Variants in SLC6A15 observed in about 807,000 individuals in gnomAD.
SLC6A15 encodes sodium-dependent neutral amino acid transporter B(0)AT2.
Under a neutral mutation model 68.5 loss-of-function variants are expected in SLC6A15, and 33 were observed. That is an observed-to-expected ratio of 0.48 (90% CI 0.37 to 0.64). The LOEUF is 0.64. Among genes scored for constraint, SLC6A15 ranks in the 30% least tolerant of loss-of-function variants. The pLI, the probability that SLC6A15 is intolerant of heterozygous loss-of-function variation, is 0.00. For synonymous variants in SLC6A15, 347 were observed against 301.0 expected (o/e 1.15, Z -1.58); for missense variants, 747 against 874.3 (o/e 0.85, Z 1.84).
At chr12:84,890,570 G>A (rs1329090152) in intron 2 of SLC6A15, among the ~76,000 whole-genome samples, 2 of 152,162 alleles carry the variant, frequency 1.3e-5, no homozygotes, top group African/African-American at 4.8e-5. Flanking sequence ...GATGCACAGT[G>A]CGTCACTGAC....
In SLC6A15 at chr12:84,876,581, T is replaced by C. The variant is rs749468832; in HGVS notation, c.783A>G (p.Pro261=). Residue 261 remains proline (P), a synonymous_variant, in exon 6 of 12, where the codon CCA becomes CCG. Transcript: ENST00000266682. Reference sequence around the variant, plus strand: ...TGAGGAAGCAAATAAGTACCACATATGGAAACAGAGAACTAAAATATATGA... The same window carrying C: ...TGAGGAAGCAAATAAGTACCACATACGGAAACAGAGAACTAAAATATATGA... ...GKIIYFSSLF[P]YVVLICFLIR... is the part of the protein sequence containing the mutation. 1.3e-6 allele frequency: 2 copies of C among 1,582,402 alleles called. No individual in the cohort carries two copies. The highest frequency in any genetic ancestry group is 2.7e-5 in the African/African-American group (2 of 73,648).
rs932900885 is a variant in SLC6A15, at chr12:84,859,719, T to C, written c.*1913A>G. 2.0e-5 allele frequency: 3 copies of C among 151,920 alleles called. No homozygotes were observed. Among genetic ancestry groups the C allele is most frequent in the African/African-American group, 7.2e-5 (3 of 41,402 alleles). The allele number at this position is 151,920 out of a possible 1,614,324, so 9.4% of individuals were successfully genotyped here. ...TAAAAATATTGCCTCAACACAAAAA[T>C]AAACAAAATTTTTATTAGTTCAGCC... On this transcript the variant is annotated 3_prime_UTR_variant, in exon 12 of 12. Coordinates refer to ENST00000266682, the MANE Select transcript of SLC6A15 (RefSeq NM_182767.6).
intron 5 of SLC6A15, chr12:84,882,336 A>G: frequency 2.0e-6 from 2 of 985,058 alleles, no homozygotes; most frequent in Non-Finnish European, 2.4e-6. Flanking sequence ...ACAATTGAAC[A>G]ATTCGAAGTT....
intron 1 of SLC6A15, among the ~76,000 whole-genome samples, chr12:84,909,102 G>T (rs1873316303): frequency 6.6e-6 from 1 of 152,046 alleles, no homozygotes; most frequent in South Asian, 2.1e-4. Context: ...TTACCAAATA[G>T]CCCTTGATAA....
rs146199147 is a variant in SLC6A15, at chr12:84,872,444, T to C, written c.1302+158A>G. Among the ~76,000 whole-genome samples, 926 of 152,302 alleles carry C rather than the reference T, an allele frequency of 6.1e-3. 3 individuals are homozygous for C. The highest frequency in any genetic ancestry group is 0.018 in the African/African-American group (732 of 41,574). On this transcript the variant is annotated intron_variant, in intron 8 of 11. Coordinates refer to ENST00000266682, the MANE Select transcript of SLC6A15 (RefSeq NM_182767.6). ...AAAACATATTCTCTAAAATTAAGAA[T>C]GTAAATTCTGAAGGACTTATAATGC...
At chr12:84,907,558 T>C (rs540210148) in intron 1 of SLC6A15, among the ~76,000 whole-genome samples, 2 of 152,240 alleles carry the variant, frequency 1.3e-5, no homozygotes, top group African/African-American at 4.8e-5. Flanking sequence ...GACAACCAAA[T>C]TCTGGCAAGG....
At chr12:84,865,731 T>C (rs1252366376) in intron 10 of SLC6A15, among the ~76,000 whole-genome samples, 2 of 152,224 alleles carry the variant, frequency 1.3e-5, no homozygotes, top group Non-Finnish European at 2.9e-5. Flanking sequence ...TTTTCATATG[T>C]GACTTTTTTC....
At chr12:84,867,962 T>A (rs767496672) in intron 9 of SLC6A15, 4 of 152,224 alleles carry the variant, frequency 2.6e-5, no homozygotes, top group Non-Finnish European at 5.9e-5. Context: ...TCTGTTCTTT[T>A]GTGCTCATTA....
chr12:84,908,803 T>C (rs1216581586), intron 1 of SLC6A15, among the ~76,000 whole-genome samples: 1 of 151,970 alleles, frequency 6.6e-6, no homozygotes, highest in Non-Finnish European at 1.5e-5. Flanking sequence ...GCCCCCAATC[T>C]GCTTCTTTTT....
At chr12:84,895,785 A>G (rs1255067688) in intron 1 of SLC6A15, among the ~76,000 whole-genome samples, 1 of 152,202 alleles carries the variant, frequency 6.6e-6, no homozygotes, top group African/African-American at 2.4e-5. Context: ...TAGCAACAAT[A>G]ATTTAGAAGC....
At chr12:84,891,295 G>A (rs1872378635) in intron 2 of SLC6A15, among the ~76,000 whole-genome samples, 2 of 152,162 alleles carry the variant, frequency 1.3e-5, no homozygotes, top group Non-Finnish European at 1.5e-5. Context: ...AATGAAGAAT[G>A]TCTAGCATTG....
At chr12:84,901,227 A>G (rs897609898) in intron 1 of SLC6A15, among the ~76,000 whole-genome samples, 1 of 151,596 alleles carries the variant, frequency 6.6e-6, no homozygotes, top group Non-Finnish European at 1.5e-5. Flanking sequence ...CAATAAAGCC[A>G]TCTGGGCTTG....
At chr12:84,910,938 T>TGTGTGTGTGTGTGTGTGTGTGC (rs1420400190) in intron 1 of SLC6A15, among the ~76,000 whole-genome samples, 1 of 150,638 alleles carries the variant, frequency 6.6e-6, no homozygotes, top group African/African-American at 2.5e-5. Flanking sequence ...CGTGTGTGTG[T>TGTGTGTGTGTGTGTGTGTGTGC]GTGTGTGTGT....
At chr12:84,907,928 T>C (rs1170996507) in intron 1 of SLC6A15, among the ~76,000 whole-genome samples, 1 of 152,136 alleles carries the variant, frequency 6.6e-6, no homozygotes, top group African/African-American at 2.4e-5. Flanking sequence ...AAACATCAAT[T>C]CAAATACATT....
rs569853891 is a variant in SLC6A15, at chr12:84,860,260, G to A, written c.*1372C>T. The A allele has an allele frequency of 2.0e-5, 3 of 152,064 alleles. No individual in the cohort carries two copies. The highest frequency in any genetic ancestry group is 2.9e-5 in the Non-Finnish European group (2 of 67,912). The allele number at this position is 152,064 out of a possible 1,614,324, so 9.4% of individuals were successfully genotyped here. A position where few individuals can be genotyped will look rare whatever the true frequency, so the allele number is the denominator to read the frequency against. ...GTTTTAAAAATGTAACTGATCTGGT[G>A]GTAGGATAAATGAAAGATTTTTAAC... On this transcript the variant is annotated 3_prime_UTR_variant, in exon 12 of 12. Transcript: ENST00000266682.
At chr12:84,875,657 T>C (rs1440142821) in intron 6 of SLC6A15, among the ~76,000 whole-genome samples, 10 of 158 alleles carry the variant, frequency 0.063, no homozygotes, top group Non-Finnish European at 0.16. Flanking sequence ...ACCATATATA[T>C]ATATATATAT....
At chr12:84,883,433 C>T in intron 5 of SLC6A15, 1 of 1,090,930 alleles carries the variant, frequency 9.2e-7, no homozygotes, top group Non-Finnish European at 1.1e-6. Flanking sequence ...TGCAGCTATT[C>T]CTTAGAACAC....
intron 4 of SLC6A15, among the ~76,000 whole-genome samples, chr12:84,885,024 TA>T (rs1279786261): frequency 5.3e-5 from 8 of 151,714 alleles, no homozygotes; most frequent in African/African-American, 1.7e-4. Flanking sequence ...TTATGGGATT[TA>T]AAAAAATGAT....
At chr12:84,879,572 C>T (rs1054251297) in intron 5 of SLC6A15, among the ~76,000 whole-genome samples, 4 of 151,676 alleles carry the variant, frequency 2.6e-5, no homozygotes, top group East Asian at 3.9e-4. Flanking sequence ...GCAATCCACC[C>T]GCCTCGGCCT....
Sources: gnomAD v4.1 joint callset for allele counts (sites outside exome capture counted in the v4.1 genomes callset) on GRCh38, gnomAD v4.1.1 for gene constraint, MANE v1.5 for transcripts, NCBI Gene and HGNC (gene_info 2026-07-23, HGNC 2026-07-21) for gene names.